Variants in GSTO2 observed in about 807,000 individuals in gnomAD.
GSTO2 encodes glutathione S-transferase omega-2.
In GSTO2, 23 loss-of-function variants were observed where a neutral mutation model predicts 28.4. That is an observed-to-expected ratio of 0.81 (90% CI 0.58 to 1.15). GSTO2 has a LOEUF of 1.15. Ranked by LOEUF, GSTO2 falls within the 50% of genes most tolerant of loss-of-function variation. The pLI is 0.00. For missense variants in GSTO2, 298 were observed against 297.8 expected, an observed-to-expected ratio of 1.00 and a Z score of 0.00; for synonymous variants, 109 against 111.0, an observed-to-expected ratio of 0.98 and a Z score of 0.11.
chr10:104,276,902 G>C (rs1233560679), intron 3 of GSTO2, among the ~76,000 whole-genome samples: 1 of 152,094 alleles, frequency 6.6e-6, no homozygotes, highest in Admixed American at 6.6e-5. Flanking sequence ...TGTATTATGT[G>C]AACATTAAAT....
intron 5 of GSTO2, among the ~76,000 whole-genome samples, chr10:104,292,014 G>C (rs2012796087): frequency 6.6e-6 from 1 of 152,108 alleles, no homozygotes; most frequent in Admixed American, 6.6e-5. Flanking sequence ...CTGAGGCCTA[G>C]AAGCTAGAGC....
intron 5 of GSTO2, among the ~76,000 whole-genome samples, chr10:104,292,408 T>G (rs1027072313): frequency 2.0e-5 from 3 of 152,044 alleles, no homozygotes; most frequent in African/African-American, 7.2e-5. Flanking sequence ...TCCTTCCACT[T>G]TGACCTTCCA....
chr10:104,298,688 A>G (rs1380305482), intron 6 of GSTO2, among the ~76,000 whole-genome samples: 1 of 152,198 alleles, frequency 6.6e-6, no homozygotes. Context: ...TATTCATTTA[A>G]AAAATGTTTT....
intron 5 of GSTO2, among the ~76,000 whole-genome samples, chr10:104,287,825 T>C (rs1186586848): frequency 5.9e-5 from 9 of 152,050 alleles, no homozygotes; most frequent in Admixed American, 1.3e-4. Context: ...TTTGATTTTT[T>C]TTTTAATGAT....
At chr10:104,295,572 T>A (rs900677753) in intron 5 of GSTO2, 1 of 152,202 alleles carries the variant, frequency 6.6e-6, no homozygotes, top group Non-Finnish European at 1.5e-5. Flanking sequence ...GTGATTTTAC[T>A]CCTCACCATA....
At position 104,301,872 on chromosome 10, in the gene GSTO2, C is replaced by G. The variant is rs565088297; in HGVS notation, c.*2588C>G. ...GGGATTATAGGTCTGAGTCATCATG[C>G]CTGGTGGGTGTCTATCTTATAAAAA... On this transcript the variant is annotated 3_prime_UTR_variant, in exon 7 of 7. Transcript: ENST00000338595. 3.3e-5 allele frequency: 5 copies of G among 152,270 alleles called. No homozygotes were observed. Among genetic ancestry groups the G allele is most frequent in the African/African-American group, 7.2e-5 (3 of 41,552 alleles). The allele number at this position is 152,270 out of a possible 1,614,324, so 9.4% of individuals were successfully genotyped here.
At chr10:104,274,281 A>G (rs760741920) in intron 1 of GSTO2, among the ~76,000 whole-genome samples, 5 of 152,182 alleles carry the variant, frequency 3.3e-5, no homozygotes, top group Non-Finnish European at 7.3e-5. Flanking sequence ...GGATGAGGCA[A>G]CTGAGGTGTC....
chr10:104,298,681 T>A (rs1327225684), intron 6 of GSTO2, among the ~76,000 whole-genome samples: 5 of 152,220 alleles, frequency 3.3e-5, no homozygotes, highest in Admixed American at 3.3e-4. Context: ...CTTGTTTTAT[T>A]CATTTAAAAA....
intron 5 of GSTO2, among the ~76,000 whole-genome samples, chr10:104,282,526 C>A (rs1255594880): frequency 2.0e-5 from 3 of 148,578 alleles, no homozygotes; most frequent in African/African-American, 7.7e-5. Flanking sequence ...TGCACTCCAG[C>A]CTGGACAACA....
rs1050335652 is a variant in GSTO2 at position 104,303,801 on chromosome 10, TG to T, written c.*4518del. 6.6e-6 allele frequency: 1 copy of T among 152,228 alleles called. No homozygotes were observed. Among genetic ancestry groups the T allele is most frequent in the African/African-American group, 2.4e-5 (1 of 41,450 alleles). 9.4% of individuals were successfully genotyped at this position (152,228 alleles called of 1,614,324 possible). A position where few individuals can be genotyped will look rare whatever the true frequency, so the allele number is the denominator to read the frequency against. ...GAGGCCTAGGAGGACAGAATGACTC[TG>T]AGTATTAAAGTAGATTTAATCTAAA... On this transcript the variant is annotated 3_prime_UTR_variant, in exon 7 of 7. Coordinates refer to ENST00000338595, the MANE Select transcript of GSTO2 (RefSeq NM_183239.2).
chr10:104,297,999 A>T (rs1390464155), intron 6 of GSTO2, among the ~76,000 whole-genome samples: 1 of 152,158 alleles, frequency 6.6e-6, no homozygotes, highest in East Asian at 1.9e-4. Flanking sequence ...AGTCACAGTC[A>T]CAGTGCCCAA....
At chr10:104,290,229 G>T (rs974597217) in intron 5 of GSTO2, among the ~76,000 whole-genome samples, 14 of 152,316 alleles carry the variant, frequency 9.2e-5, no homozygotes, top group Non-Finnish European at 2.1e-4. Flanking sequence ...ATACAGGCCG[G>T]GTGTGGTGGC....
intron 5 of GSTO2, among the ~76,000 whole-genome samples, chr10:104,290,158 A>G (rs1292529713): frequency 1.3e-5 from 2 of 152,226 alleles, no homozygotes; most frequent in Non-Finnish European, 2.9e-5. Flanking sequence ...ACTGTTTACA[A>G]TAGCTAAGAT....
chr10:104,290,946 C>CA (rs1240940841), intron 5 of GSTO2, among the ~76,000 whole-genome samples: 8 of 152,118 alleles, frequency 5.3e-5, no homozygotes, highest in African/African-American at 1.9e-4. Flanking sequence ...GTGGATACCC[C>CA]ATTCTCCATG....
intron 1 of GSTO2, among the ~76,000 whole-genome samples, chr10:104,270,451 T>C (rs1286036431): frequency 6.6e-6 from 1 of 152,242 alleles, no homozygotes; most frequent in Non-Finnish European, 1.5e-5. Flanking sequence ...CTTGACAATT[T>C]GCCTTTACTT....
At chr10:104,292,557 G>C (rs1241387044) in intron 5 of GSTO2, among the ~76,000 whole-genome samples, 18 of 151,724 alleles carry the variant, frequency 1.2e-4, no homozygotes, top group Admixed American at 1.2e-3. Context: ...CTACCTCCCA[G>C]GCTCAGGTGG....
intron 5 of GSTO2, among the ~76,000 whole-genome samples, chr10:104,292,133 G>T (rs940076035): frequency 1.3e-5 from 2 of 151,970 alleles, no homozygotes; most frequent in East Asian, 1.9e-4. Context: ...TCATACAAAA[G>T]ACAGGGGTTC....
intron 1 of GSTO2, among the ~76,000 whole-genome samples, chr10:104,274,181 C>A (rs1272358764): frequency 6.6e-6 from 1 of 152,180 alleles, no homozygotes; most frequent in African/African-American, 2.4e-5. Flanking sequence ...GGGAAGCTCA[C>A]AAATTGTTCT....
chr10:104,278,804 G>A (rs1390145504), intron 4 of GSTO2, among the ~76,000 whole-genome samples: 2 of 152,198 alleles, frequency 1.3e-5, no homozygotes, highest in East Asian at 3.8e-4. Flanking sequence ...AGAAGCATAA[G>A]AGTGCCTGCT....
Sources: gnomAD v4.1 joint callset for allele counts (sites outside exome capture counted in the v4.1 genomes callset) on GRCh38, gnomAD v4.1.1 for gene constraint, MANE v1.5 for transcripts, NCBI Gene and HGNC (gene_info 2026-07-23, HGNC 2026-07-21) for gene names.